SAP30BP: variants seen among roughly 807,000 people sequenced by gnomAD.
SAP30BP encodes SAP30 binding protein.
In SAP30BP, 31 loss-of-function variants were observed where a neutral mutation model predicts 46.3. The ratio of observed to expected loss-of-function variants is 0.67; its 90% CI spans 0.50 to 0.90. The LOEUF is 0.90. Ranked by LOEUF, SAP30BP falls within the 40% of genes least tolerant of loss-of-function variation. The pLI is 0.00. For missense variants in SAP30BP, 312 were observed against 391.0 expected, an observed-to-expected ratio of 0.80 and a Z score of 1.70; for synonymous variants, 169 against 144.2, an observed-to-expected ratio of 1.17 and a Z score of -1.23.
chr17:75,694,423 A>T (rs1280670433), intron 4 of SAP30BP, among the ~76,000 whole-genome samples: 1 of 152,190 alleles, frequency 6.6e-6, no homozygotes, highest in Non-Finnish European at 1.5e-5. Flanking sequence ...GAACACGGTA[A>T]CGCTGAGCAG....
At chr17:75,695,925 T>C (rs2060310628) in intron 4 of SAP30BP, among the ~76,000 whole-genome samples, 1 of 152,168 alleles carries the variant, frequency 6.6e-6, no homozygotes, top group Non-Finnish European at 1.5e-5. Context: ...GGGTTCTCTC[T>C]GTCACTCAGG....
At chr17:75,674,387 T>C (rs1397872767) in intron 3 of SAP30BP, among the ~76,000 whole-genome samples, 1 of 152,066 alleles carries the variant, frequency 6.6e-6, no homozygotes, top group Non-Finnish European at 1.5e-5. Flanking sequence ...CTCCGCCTCC[T>C]GGGTTCAAGC....
At chr17:75,683,624 C>T (rs2060117226) in intron 3 of SAP30BP, 1 of 152,156 alleles carries the variant, frequency 6.6e-6, no homozygotes. Context: ...GGAAATGGGC[C>T]ATGTGCTTTA....
Position 75,667,432 on chromosome 17 carries a change from C to G in SAP30BP, c.60C>G (p.Pro20=). Residue 20 remains proline, a synonymous_variant, in exon 1 of 11, where the codon CCC becomes CCG. Transcript: ENST00000584667. ...SLAVYAEDSE[P]ESDGEAGIEA... is the part of the protein sequence containing the mutation. The stretch of plus-strand genomic sequence containing the variant: ...CAGTTTACGCGGAAGATTCAGAGCC[C>G]GAGTCTGATGGCGAGGCTGGAATCG... 2 of 1,614,112 alleles carry G rather than the reference C, an allele frequency of 1.2e-6. No homozygotes were observed. Among genetic ancestry groups the G allele is most frequent in the Non-Finnish European group, 8.5e-7 (1 of 1,180,016 alleles).
chr17:75,700,572 CCCGTG>C (rs1440683669), intron 5 of SAP30BP, among the ~76,000 whole-genome samples: 1 of 152,198 alleles, frequency 6.6e-6, no homozygotes, highest in Non-Finnish European at 1.5e-5. Context: ...ACACAGCAAG[CCCGTG>C]ACACCGCCCT....
chr17:75,687,918 G>GGC lies in SAP30BP; in HGVS notation c.265-5522_265-5521insGC, dbSNP rs2060182476. Among the ~76,000 whole-genome samples the GGC allele has an allele frequency of 4.4e-4, 14 of 31,680 alleles. 1 individual carries two copies. The South Asian group carries it at 0.011, about 25-fold the overall frequency. 20.8% of individuals were successfully genotyped at this position (31,680 alleles called of 152,430 possible). ...AGAAGACAAACTGACAGTGTTTGGG[G>GGC]TGTGTGTGTGTGTGTGTGTGTGTGT... On this transcript the variant is annotated intron_variant, in intron 3 of 10. Transcript: ENST00000584667.
chr17:75,692,636 T>G (rs2060257110), intron 3 of SAP30BP: 1 of 389,778 alleles, frequency 2.6e-6, no homozygotes, highest in Non-Finnish European at 3.5e-6. Context: ...GATGAAACAT[T>G]TACTACAGAA....
rs943637682 is a variant in SAP30BP, at chr17:75,674,968, G to T, written c.264+3105G>T. On this transcript the variant is annotated intron_variant, in intron 3 of 10. Coordinates refer to ENST00000584667, the MANE Select transcript of SAP30BP (RefSeq NM_013260.8). ...TCTGCCCACATTGGCTTCCCAAAGG[G>T]CTGGGATTAGAGCTGTGAGCCACCA... Among the ~76,000 whole-genome samples the T allele has an allele frequency of 3.2e-4, 48 of 152,008 alleles. 2 individuals are homozygous for T. The highest frequency in any genetic ancestry group is 1.0e-3 in the Admixed American group (16 of 15,258).
intron 3 of SAP30BP, among the ~76,000 whole-genome samples, chr17:75,674,318 A>G (rs903295872): frequency 3.3e-5 from 5 of 152,006 alleles, no homozygotes; most frequent in Non-Finnish European, 7.4e-5. Flanking sequence ...TTTTTGAGAC[A>G]GAGTCTTGCT....
In SAP30BP at chr17:75,704,763, C is replaced by T. The variant is rs2060469293; in HGVS notation, c.609C>T (p.Ala203=). 6.2e-7 allele frequency: 1 copy of T among 1,613,526 alleles called. No individual in the cohort carries two copies. The highest frequency in any genetic ancestry group is 1.7e-5 in the Admixed American group (1 of 59,992). ...CTTCTCTTGTCTTCATAGCCAAGGC[C>T]CAGAAAATTGAGATGGACAAATTGG... ...EDSYYEALAK[A]QKIEMDKLEK... Residue 203 remains alanine, a synonymous_variant, in exon 9 of 11, where the codon GCC becomes GCT. Transcript: ENST00000584667.
Position 75,669,133 on chromosome 17 carries a change from G to T in SAP30BP, c.216+508G>T, listed in dbSNP as rs569302660. The stretch of plus-strand genomic sequence containing the variant: ...CTGCTGTCCAGATTGGAGTGCAGTG[G>T]TGTGATCATAGATAGTTCACTACAG... On this transcript the variant is annotated intron_variant, in intron 2 of 10. Transcript: ENST00000584667. 4.0e-5 allele frequency among the ~76,000 whole-genome samples: 6 copies of T among 151,892 alleles called. No individual in the cohort carries two copies. The South Asian group carries it at 1.2e-3, about 32-fold the overall frequency.
At position 75,703,821 on chromosome 17, in the gene SAP30BP, C is replaced by T. The variant is rs765233051; in HGVS notation, c.563C>T (p.Pro188Leu). 1 of 1,613,818 alleles carries T rather than the reference C, an allele frequency of 6.2e-7. No individual in the cohort carries two copies. The highest frequency in any genetic ancestry group is 1.3e-5 in the African/African-American group (1 of 75,044). The stretch of plus-strand genomic sequence containing the variant: ...TTTCCTTTGCAGGATATGTTTGATC[C>T]CCATGGCTGGTCTGAGGACTCCTAC... ...GTNYPKDMFD[P>L]HGWSEDSYYE... The change falls in exon 8 of 11, where the codon CCC becomes CTC. Residue 188 changes from proline to leucine, a missense_variant. By Grantham distance (98) the Pro-to-Leu change is moderately conservative (BLOSUM62 -3). Around this residue, in one of 2 missense-constraint regions of SAP30BP, gnomAD observed 296 missense variants for 346.6 expected, o/e 0.85. Coordinates refer to ENST00000584667, the MANE Select transcript of SAP30BP (RefSeq NM_013260.8).
intron 3 of SAP30BP, among the ~76,000 whole-genome samples, chr17:75,674,690 GTTTTTTGTTTTTTTTTTTT>G (rs2059959261): frequency 1.0e-4 from 4 of 39,578 alleles, no homozygotes; most frequent in Admixed American, 3.1e-4. Flanking sequence ...TTTTTTGTTT[GTTTTTTGTTTTTTTTTTTT>G]TTTTTTTTTT....
At chr17:75,669,556 TA>T (rs1302501148) in intron 2 of SAP30BP, among the ~76,000 whole-genome samples, 3 of 151,932 alleles carry the variant, frequency 2.0e-5, no homozygotes, top group Non-Finnish European at 2.9e-5. Context: ...TTTTAAAATT[TA>T]AAAAAAAATT....
At chr17:75,673,815 C>T (rs549869510) in intron 3 of SAP30BP, among the ~76,000 whole-genome samples, 1 of 152,208 alleles carries the variant, frequency 6.6e-6, no homozygotes, top group Non-Finnish European at 1.5e-5. Flanking sequence ...CTTTTGTGCT[C>T]AGGCTCCCCT....
chr17:75,688,774 A>G (rs2060199277), intron 3 of SAP30BP, among the ~76,000 whole-genome samples: 1 of 152,160 alleles, frequency 6.6e-6, no homozygotes, highest in East Asian at 1.9e-4. Flanking sequence ...AGTCAGCTTC[A>G]TCAATGGCTG....
At chr17:75,670,051 C>G (rs147687580) in intron 2 of SAP30BP, among the ~76,000 whole-genome samples, 2 of 152,092 alleles carry the variant, frequency 1.3e-5, no homozygotes, top group African/African-American at 4.8e-5. Flanking sequence ...CAGCCAAGCA[C>G]GGTGGCTCAT....
intron 7 of SAP30BP, 27 bp from the exon 8 acceptor site, chr17:75,703,781 C>T (rs749434180): frequency 1.2e-6 from 2 of 1,607,376 alleles, no homozygotes; most frequent in African/African-American, 1.3e-5. Flanking sequence ...CATTTGTCAT[C>T]TGAGTCATTC....
In SAP30BP at chr17:75,706,142, C is replaced by A; in HGVS notation, c.745+50C>A. 1 of 1,586,848 alleles carries A rather than the reference C, an allele frequency of 6.3e-7. No individual in the cohort carries two copies. The highest frequency in any genetic ancestry group is 1.1e-5 in the South Asian group (1 of 89,038). On this transcript the variant is annotated intron_variant, in intron 10 of 10. Transcript: ENST00000584667. This position sits in a 1 kb window ranked among gnomAD's most constrained non-coding sequence, Gnocchi z 4.6. ...CCTGCCACACACATGGAGCCAGGGT[C>A]TCCCTGGCTTGTTTGGGCGACAGAC...
Sources: allele counts gnomAD v4.1 joint callset (sites outside exome capture counted in the v4.1 genomes callset), GRCh38; gene constraint gnomAD v4.1.1; regional missense constraint gnomAD v4.1.1; non-coding constraint Gnocchi (gnomAD v3.1); transcripts MANE v1.5; gene names NCBI Gene and HGNC (gene_info 2026-07-23, HGNC 2026-07-21).